The following GARIN5B variants were observed in gnomAD, a reference collection of about 807,000 sequenced individuals.
The protein encoded by GARIN5B is golgi associated RAB2 interactor family member 5B, also known as Golgi-associated RAB2 interactor protein 5B.
chr19:55,358,932 C>A, the GARIN5B span: 2 of 1,551,030 alleles, frequency 1.3e-6, no homozygotes, highest in Middle Eastern at 1.7e-4. Flanking sequence ...GCCCAGTGGG[C>A]CCAGTCCTCC....
At chr19:55,359,353 T>TGGGGGTGGGGTCTTC in the GARIN5B span, 1 of 468,470 alleles carries the variant, frequency 2.1e-6, no homozygotes, top group Non-Finnish European at 3.3e-6. Context: ...CCTTCTGAGA[T>TGGGGGTGGGGTCTTC]GGGGGTGGGG....
At chr19:55,362,895 C>T in the GARIN5B span, 17 of 1,488,546 alleles carry the variant, frequency 1.1e-5, no homozygotes, top group Admixed American at 2.5e-5. Flanking sequence ...CTCTCAGCCC[C>T]GGGGCACTGG....
the GARIN5B span, chr19:55,360,763 G>T: frequency 1.9e-6 from 3 of 1,551,736 alleles, no homozygotes. Flanking sequence ...GGTGATGCTG[G>T]TCTTCTCTGG....
the GARIN5B span, chr19:55,362,572 C>A: frequency 6.5e-7 from 1 of 1,534,812 alleles, no homozygotes; most frequent in African/African-American, 1.4e-5. Context: ...TTGGGGGATG[C>A]GGCACCTGGT....
At chr19:55,359,353 T>A in the GARIN5B span, 1 of 468,470 alleles carries the variant, frequency 2.1e-6, no homozygotes, top group Non-Finnish European at 3.3e-6. Flanking sequence ...CCTTCTGAGA[T>A]GGGGGTGGGG....
At chr19:55,357,857 C>A in the GARIN5B span, among the ~76,000 whole-genome samples, 746 of 152,246 alleles carry the variant, frequency 4.9e-3, 5 homozygotes, top group African/African-American at 0.017. Context: ...AGTTCAAGAC[C>A]AGCCTGGCCA....
the GARIN5B span, chr19:55,359,687 G>A: frequency 2.3e-5 from 35 of 1,551,490 alleles, 1 homozygote; most frequent in Middle Eastern, 3.3e-4. Context: ...TGGTGGCCCC[G>A]GCCCCTGGTG....
the GARIN5B span, chr19:55,359,094 C>G: frequency 6.4e-7 from 1 of 1,551,280 alleles, no homozygotes; most frequent in Non-Finnish European, 8.7e-7. Context: ...TGGGTGCGCA[C>G]CGTCACCACC....
the GARIN5B span, among the ~76,000 whole-genome samples, chr19:55,357,823 G>A: frequency 6.6e-6 from 1 of 152,256 alleles, no homozygotes; most frequent in Non-Finnish European, 1.5e-5. Flanking sequence ...GGAGGCCGAG[G>A]CGGGTGGATC....
At chr19:55,363,188 G>A in the GARIN5B span, 1 of 1,051,194 alleles carries the variant, frequency 9.5e-7, no homozygotes, top group East Asian at 3.2e-5. The surrounding 1 kb of genome is among the most constrained non-coding windows in gnomAD (Gnocchi z 4.0). Flanking sequence ...CAGCGTTACA[G>A]AGCGTGGAGA....
the GARIN5B span, chr19:55,361,341 A>G: frequency 6.5e-7 from 1 of 1,542,578 alleles, no homozygotes. Flanking sequence ...GGGAAGAGCC[A>G]AAGGGTGCAG....
the GARIN5B span, chr19:55,362,226 T>C: frequency 6.6e-7 from 1 of 1,508,778 alleles, no homozygotes; most frequent in Non-Finnish European, 8.9e-7. Flanking sequence ...TGCCCTGGTC[T>C]GTGGAGCTGG....
the GARIN5B span, chr19:55,360,052 C>T: frequency 1.4e-6 from 2 of 1,424,758 alleles, no homozygotes; most frequent in East Asian, 2.5e-5. Flanking sequence ...GGGCAGACCC[C>T]TGCTCCCTCC....
the GARIN5B span, chr19:55,361,465 C>T: frequency 1.4e-5 from 20 of 1,465,560 alleles, no homozygotes; most frequent in Admixed American, 5.3e-5. Context: ...AGGAGGGGCC[C>T]GGGCTTCCAC....
At chr19:55,359,787 C>G in the GARIN5B span, 1 of 1,551,400 alleles carries the variant, frequency 6.4e-7, no homozygotes, top group Non-Finnish European at 8.7e-7. Context: ...GGAGCCAGAC[C>G]GGAGGCAGCA....
the GARIN5B span, chr19:55,358,299 G>C: frequency 1.9e-6 from 3 of 1,549,202 alleles, no homozygotes; most frequent in Non-Finnish European, 2.6e-6. Flanking sequence ...ATCCTCATGG[G>C]CTCCTGCGAC....
chr19:55,358,527 C>T, the GARIN5B span: 14 of 30,208 alleles, frequency 4.6e-4, no homozygotes, highest in Non-Finnish European at 6.7e-4. Context: ...TTCATCTCGC[C>T]CCATGGCTGC....
the GARIN5B span, among the ~76,000 whole-genome samples, chr19:55,356,699 A>G: frequency 3.9e-4 from 60 of 152,086 alleles, no homozygotes; most frequent in Non-Finnish European, 7.2e-4. Context: ...CGGCACATTC[A>G]CAATGTCATG....
chr19:55,362,922 C>T, the GARIN5B span: 82 of 1,501,550 alleles, frequency 5.5e-5, no homozygotes, highest in Non-Finnish European at 7.3e-5. Context: ...GAGACCTGAA[C>T]AAAGTTACTC....
Sources: gnomAD v4.1 joint callset for allele counts (sites outside exome capture counted in the v4.1 genomes callset) on GRCh38, gnomAD v4.1.1 for gene constraint, Gnocchi (gnomAD v3.1) non-coding constraint, MANE v1.5 for transcripts, NCBI Gene and HGNC (gene_info 2026-07-23, HGNC 2026-07-21) for gene names.